The following ZNF460 variants were observed in gnomAD, a reference collection of about 807,000 sequenced individuals.
ZNF460 encodes the protein zinc finger protein 272.
A neutral mutation model predicts 8.4 loss-of-function variants in ZNF460; 1 was observed. The ratio of observed to expected loss-of-function variants is 0.12; its 90% CI spans 0.04 to 0.56. The LOEUF is 0.56. Among genes scored for constraint, ZNF460 ranks in the 20% least tolerant of loss-of-function variants. The pLI is 0.91. For synonymous variants in ZNF460, 262 were observed against 259.9 expected, an observed-to-expected ratio of 1.01 and a Z score of -0.08; for missense variants, 477 against 714.8, an observed-to-expected ratio of 0.67 and a Z score of 3.79.
chr19:57,286,565 T>G (rs890715749), intron 2 of ZNF460, among the ~76,000 whole-genome samples: 1 of 152,182 alleles, frequency 6.6e-6, no homozygotes, highest in African/African-American at 2.4e-5. Context: ...GGAGGATTGC[T>G]TCAGGCCAGG....
Position 57,280,627 on chromosome 19 carries a change from G to A in ZNF460, c.-180G>A. On this transcript the variant is annotated 5_prime_UTR_variant, in exon 1 of 3. Transcript: ENST00000360338. ...TCCCCTAACGAGGTGTCCCACCGGC[G>A]CCCGCCGAGGCCTAGGCCTCCGCAG... The A allele has an allele frequency of 2.5e-6, 2 of 799,376 alleles. No homozygotes were observed. The highest frequency in any genetic ancestry group is 2.7e-5 in the East Asian group (1 of 36,520). The allele number at this position is 799,376 out of a possible 1,614,324, so 49.5% of individuals were successfully genotyped here. A position where few individuals can be genotyped will look rare whatever the true frequency, so the allele number is the denominator to read the frequency against.
Position 57,285,694 on chromosome 19 carries a change from A to G in ZNF460, c.157+1017A>G, listed in dbSNP as rs148150536. Among the ~76,000 whole-genome samples the G allele has an allele frequency of 7.1e-4, 108 of 152,282 alleles. 1 individual carries two copies. The highest frequency in any genetic ancestry group is 2.4e-3 in the African/African-American group (100 of 41,556). ...AACGTCTATATGTGGCCAAATCGCT[A>G]TTTGGAGTTCCCTCCCAGTTTTTTA... On this transcript the variant is annotated intron_variant, in intron 2 of 2. Transcript: ENST00000360338.
chr19:57,288,184 G>A (rs577696284), intron 2 of ZNF460, among the ~76,000 whole-genome samples: 1 of 152,178 alleles, frequency 6.6e-6, no homozygotes, highest in East Asian at 1.9e-4. Flanking sequence ...GTCTAGCACT[G>A]TGCCAAGTGC....
chr19:57,281,738 G>T (rs1453539731), intron 1 of ZNF460: 1 of 151,852 alleles, frequency 6.6e-6, no homozygotes, highest in East Asian at 1.9e-4. Flanking sequence ...GCTAATTTTT[G>T]TATTTTTAGT....
intron 2 of ZNF460, among the ~76,000 whole-genome samples, chr19:57,284,911 G>A (rs909651027): frequency 1.3e-5 from 2 of 148,594 alleles, no homozygotes; most frequent in Admixed American, 6.8e-5. Flanking sequence ...CCGTCTCCCC[G>A]ATTCAAGTGA....
rs377598956 is a variant in ZNF460, at chr19:57,280,498, G to T, written c.-309G>T. ...CGGTTTGGCCCTGAAACAGTGTGGG[G>T]CCTAGAGCGCTGGGTGGGCGCGTTC... On this transcript the variant is annotated 5_prime_UTR_variant, in exon 1 of 3. Transcript: ENST00000360338. 4.3e-5 allele frequency: 20 copies of T among 466,948 alleles called. No individual in the cohort carries two copies. Among genetic ancestry groups the T allele is most frequent in the Non-Finnish European group, 6.6e-5 (17 of 256,144 alleles). 28.9% of individuals were successfully genotyped at this position (466,948 alleles called of 1,614,324 possible).
chr19:57,292,176 T>C lies in ZNF460; in HGVS notation c.1635T>C (p.His545=). ...TGGAAACGCCTTCAATTGCCGCTCA[T>C]TCCTCCTCACTCGACATCAACGGAT... is the stretch of plus-strand genomic sequence containing the variant. ...VNMETPSIAA[H]SSSLDINGFI... is the part of the protein sequence containing the mutation. Residue 545 remains histidine, a synonymous_variant, in exon 3 of 3, where the codon CAT becomes CAC. Transcript: ENST00000360338. The C allele has an allele frequency of 6.2e-7, 1 of 1,614,170 alleles. No individual in the cohort carries two copies. Among genetic ancestry groups the C allele is most frequent in the Non-Finnish European group, 8.5e-7 (1 of 1,180,010 alleles).
chr19:57,281,556 ATTTTTTT>A (rs71293946), intron 1 of ZNF460, among the ~76,000 whole-genome samples: 29 of 85,038 alleles, frequency 3.4e-4, no homozygotes, highest in Admixed American at 7.9e-4. Context: ...TAACCCTGAA[ATTTTTTT>A]TTTTTTTTTT....
rs1032515777 is a variant in ZNF460 at position 57,293,443 on chromosome 19, T to G, written c.*1213T>G. ...GAGTCCAGTCGTAGTAATTAATATG[T>G]TTAATCAGAATATTTTGGAATTTCT... On this transcript the variant is annotated 3_prime_UTR_variant, in exon 3 of 3. Transcript: ENST00000360338. 1 of 152,190 alleles carries G rather than the reference T, an allele frequency of 6.6e-6. No homozygotes were observed. Among genetic ancestry groups the G allele is most frequent in the African/African-American group, 2.4e-5 (1 of 41,444 alleles). The allele number at this position is 152,190 out of a possible 1,614,324, so 9.4% of individuals were successfully genotyped here. A position where few individuals can be genotyped will look rare whatever the true frequency, so the allele number is the denominator to read the frequency against.
Position 57,292,457 on chromosome 19 carries a change from C to A in ZNF460, c.*227C>A, listed in dbSNP as rs548279744. 24 of 526,328 alleles carry A rather than the reference C, an allele frequency of 4.6e-5. 2 individuals are homozygous for A. The South Asian group carries it at 5.4e-4, about 12-fold the overall frequency. 32.6% of individuals were successfully genotyped at this position (526,328 alleles called of 1,614,324 possible). A position where few individuals can be genotyped will look rare whatever the true frequency, so the allele number is the denominator to read the frequency against. ...CAATTATGTTAGAAATTGACACAGCCAAGAGTCTTATTCTACATCTGATAA... is the reference window on the plus strand; with the variant it reads ...CAATTATGTTAGAAATTGACACAGCAAAGAGTCTTATTCTACATCTGATAA... On this transcript the variant is annotated 3_prime_UTR_variant, in exon 3 of 3. Coordinates refer to ENST00000360338, the MANE Select transcript of ZNF460 (RefSeq NM_006635.4).
intron 1 of ZNF460, among the ~76,000 whole-genome samples, chr19:57,282,320 G>A (rs2087846404): frequency 6.6e-6 from 1 of 152,124 alleles, no homozygotes; most frequent in Non-Finnish European, 1.5e-5. Flanking sequence ...CTCCAGATGG[G>A]CCCATATTGT....
Position 57,291,276 on chromosome 19 carries a change from TCA to T in ZNF460, c.738_739del (p.His246GlnfsTer4). The T allele has an allele frequency of 6.2e-7, 1 of 1,613,840 alleles. No homozygotes were observed. The highest frequency in any genetic ancestry group is 8.5e-7 in the Non-Finnish European group (1 of 1,179,966). On this transcript the variant is annotated frameshift_variant, in exon 3 of 3. Transcript: ENST00000360338. LOFTEE classifies it low-confidence loss of function (END_TRUNC). This position sits in a 1 kb window ranked among gnomAD's most constrained non-coding sequence, Gnocchi z 8.4. ...RSHLTRHQRT[H>X]NGDKPFVCSE... Reference sequence around the variant, plus strand: ...CACACCTCACACGGCACCAGCGGACTCACAATGGAGATAAGCCCTTTGTGTGC... The same window carrying T: ...CACACCTCACACGGCACCAGCGGACTCAATGGAGATAAGCCCTTTGTGTGC...
upstream of ZNF460, chr19:57,280,085 G>A (rs1015992329): frequency 2.6e-5 from 4 of 152,300 alleles, no homozygotes; most frequent in Admixed American, 6.5e-5. Flanking sequence ...CAGAAAAGAG[G>A]CAAAGCAAGC....
chr19:57,280,894 G>A, intron 1 of ZNF460, 58 bp downstream of exon 1: 1 of 1,608,660 alleles, frequency 6.2e-7, no homozygotes, highest in South Asian at 1.1e-5. Context: ...GGCCTCGTGG[G>A]CAGGCTGGAA....
intron 1 of ZNF460, 51 bp downstream of exon 1, chr19:57,280,887 C>G (rs377157189): frequency 1.2e-6 from 2 of 1,611,258 alleles, no homozygotes; most frequent in Admixed American, 3.3e-5. Context: ...TTCTAGAGGC[C>G]TCGTGGGCAG....
At chr19:57,281,455 C>T (rs946128528) in intron 1 of ZNF460, among the ~76,000 whole-genome samples, 1 of 148,606 alleles carries the variant, frequency 6.7e-6, no homozygotes, top group Middle Eastern at 3.5e-3. Flanking sequence ...GTAATGGGAA[C>T]AAAGAAAAAT....
chr19:57,280,560 G>A lies in ZNF460; in HGVS notation c.-247G>A. ...CAGGGACGGGTAGTGAAGCGGTTAC[G>A]CCCCTTCTTCGCGTCTTGGCGGGAG... On this transcript the variant is annotated 5_prime_UTR_variant, in exon 1 of 3. Coordinates refer to ENST00000360338, the MANE Select transcript of ZNF460 (RefSeq NM_006635.4). 1.7e-6 allele frequency: 1 copy of A among 579,348 alleles called. No individual in the cohort carries two copies. Among genetic ancestry groups the A allele is most frequent in the Non-Finnish European group, 3.1e-6 (1 of 324,994 alleles). 35.9% of individuals were successfully genotyped at this position (579,348 alleles called of 1,614,324 possible).
Position 57,293,139 on chromosome 19 carries a change from T to C in ZNF460, c.*909T>C, listed in dbSNP as rs1396825402. ...AGGGAGTCCTAATTCTTCCCTCTGATTGTGGTTTCTCAGCTTTTTTACTGC... is the reference window on the plus strand; with the variant it reads ...AGGGAGTCCTAATTCTTCCCTCTGACTGTGGTTTCTCAGCTTTTTTACTGC... On this transcript the variant is annotated 3_prime_UTR_variant, in exon 3 of 3. Transcript: ENST00000360338. 6.6e-6 allele frequency: 1 copy of C among 152,210 alleles called. No homozygotes were observed. The highest frequency in any genetic ancestry group is 1.5e-5 in the Non-Finnish European group (1 of 68,028). 9.4% of individuals were successfully genotyped at this position (152,210 alleles called of 1,614,324 possible).
chr19:57,292,184 C>T lies in ZNF460; in HGVS notation c.1643C>T (p.Ser548Leu), dbSNP rs1365806460. Residue 548 changes from serine to leucine, a missense_variant, in exon 3 of 3, where the codon TCA becomes TTA. Coordinates refer to ENST00000360338, the MANE Select transcript of ZNF460 (RefSeq NM_006635.4). Reference sequence around the variant, plus strand: ...CCTTCAATTGCCGCTCATTCCTCCTCACTCGACATCAACGGATTCATAGTG... The same window carrying T: ...CCTTCAATTGCCGCTCATTCCTCCTTACTCGACATCAACGGATTCATAGTG... ...ETPSIAAHSSSLDINGFIVEE... is the reference protein window; with the variant it reads ...ETPSIAAHSSLLDINGFIVEE... 1 of 1,613,970 alleles carries T rather than the reference C, an allele frequency of 6.2e-7. No individual in the cohort carries two copies. The highest frequency in any genetic ancestry group is 1.7e-5 in the Admixed American group (1 of 60,010).
Sources: gnomAD v4.1 joint callset for allele counts (sites outside exome capture counted in the v4.1 genomes callset) on GRCh38, gnomAD v4.1.1 for gene constraint, Gnocchi (gnomAD v3.1) non-coding constraint, MANE v1.5 for transcripts, NCBI Gene and HGNC (gene_info 2026-07-23, HGNC 2026-07-21) for gene names.